The following POLE variants were observed in gnomAD, a reference collection of about 807,000 sequenced individuals.
POLE encodes DNA polymerase epsilon catalytic subunit A.
POLE carries 188 observed loss-of-function variants against 279.2 expected under a neutral mutation model. That is an observed-to-expected ratio of 0.67 (90% CI 0.60 to 0.76). The LOEUF is 0.76. Among genes scored for constraint, POLE ranks in the 30% least tolerant of loss-of-function variants. POLE has a pLI of 0.00. For synonymous variants in POLE, 1,214 were observed against 1,172.5 expected (o/e 1.04, Z -0.72); for missense variants, 2,703 against 3,016.7 (o/e 0.90, Z 2.44).
chr12:132,649,867 T>C lies in POLE; in HGVS notation c.3605A>G (p.Glu1202Gly), dbSNP rs778446376. 4 of 1,613,922 alleles carry C rather than the reference T, an allele frequency of 2.5e-6. No homozygotes were observed. In the African/African-American group the frequency reaches 4.0e-5, roughly 16 times the overall value. Residue 1202 changes from glutamate to glycine, a missense_variant, in exon 30 of 49, where the codon GAA becomes GGA. This residue lies in a region of POLE where 1,551 missense variants were observed against 1,686.1 expected (regional missense o/e 0.92). Transcript: ENST00000320574. ...AGGAGCACTTGGCCTCGGACTGTCT[T>C]CTGAGGCCTCGGCCATCGTGACCTG... ...RRQVTMAEAS[E>G]DSPRPSAPDM...
intron 46 of POLE, 27 bp from the exon 47 acceptor site, chr12:132,625,797 C>T: frequency 3.1e-6 from 5 of 1,602,786 alleles, no homozygotes; most frequent in Non-Finnish European, 4.2e-6. Flanking sequence ...TGCGAGAGGT[C>T]ACCAGCCCAG....
chr12:132,641,737 T>C lies in POLE; in HGVS notation c.5288A>G (p.Gln1763Arg), dbSNP rs1565935906. 2.5e-6 allele frequency: 4 copies of C among 1,612,906 alleles called. No homozygotes were observed. The highest frequency in any genetic ancestry group is 3.4e-6 in the Non-Finnish European group (4 of 1,179,992). The stretch of plus-strand genomic sequence containing the variant: ...CGTGATCATGTCCTCCAGGGAGGCC[T>C]GCTGGATCACGTCGAAGCTGATCCC... Reference protein sequence around the residue: ...SMGISFDVIQQASLEDMITGG... With the variant: ...SMGISFDVIQRASLEDMITGG... Residue 1763 changes from glutamine (Q) to arginine (R), a missense_variant, in exon 39 of 49, where the codon CAG (glutamine) becomes CGG (arginine). Physicochemically the swap from Gln to Arg is conservative, Grantham distance 43 (BLOSUM62 1). Around this residue, in one of 5 missense-constraint regions of POLE, gnomAD observed 1,551 missense variants for 1,686.1 expected, o/e 0.92. Transcript: ENST00000320574.
Position 132,626,209 on chromosome 12 carries a change from G to A in POLE, c.6439C>T (p.Pro2147Ser), listed in dbSNP as rs776658476. The A allele has an allele frequency of 1.9e-6, 3 of 1,613,854 alleles. No homozygotes were observed. Among genetic ancestry groups the A allele is most frequent in the East Asian group, 4.5e-5 (2 of 44,882 alleles). The change falls in exon 46 of 49, where the codon CCC (proline) becomes TCC (serine). Residue 2147 changes from proline to serine, a missense_variant. Around this residue, in one of 5 missense-constraint regions of POLE, gnomAD observed 1,551 missense variants for 1,686.1 expected, o/e 0.92. Coordinates refer to ENST00000320574, the MANE Select transcript of POLE (RefSeq NM_006231.4). Reference sequence around the variant, plus strand: ...TCAGGAAGCACGTAGGAGCGGCAGGGGTCTCGGAACTGGGCCTCCTCGGAG... The same window carrying A: ...TCAGGAAGCACGTAGGAGCGGCAGGAGTCTCGGAACTGGGCCTCCTCGGAG... ...EFSEEAQFRD[P>S]CRSYVLPEVI...
intron 6 of POLE, 22 bp downstream of exon 6, chr12:132,679,475 T>G (rs780379303): frequency 6.3e-6 from 10 of 1,591,262 alleles, no homozygotes. Context: ...GCTGATGCTT[T>G]GCTCACAAGA....
intron 16 of POLE, among the ~76,000 whole-genome samples, chr12:132,671,178 G>C (rs190584658): frequency 6.9e-6 from 1 of 145,958 alleles, no homozygotes; most frequent in Non-Finnish European, 1.5e-5. Flanking sequence ...CAGGAGAATC[G>C]CTTGAACCCA....
rs2043015218 is a variant in POLE, at chr12:132,675,136, G to A, written c.1226+262C>T. Among the ~76,000 whole-genome samples the A allele has an allele frequency of 6.6e-6, 1 of 152,202 alleles. No homozygotes were observed. Among genetic ancestry groups the A allele is most frequent in the Non-Finnish European group, 1.5e-5 (1 of 68,044 alleles). On this transcript the variant is annotated intron_variant, in intron 12 of 48. Coordinates refer to ENST00000320574, the MANE Select transcript of POLE (RefSeq NM_006231.4). The surrounding 1 kb of genome is among the most constrained non-coding windows in gnomAD (Gnocchi z 4.3). ...GTCCTAGGTCTGGGACCTGTCAGCT[G>A]AGTGCGTCTTTCCAGCGGCTTCCCC... is the stretch of plus-strand genomic sequence containing the variant.
In POLE at chr12:132,667,598, G is replaced by A. The variant is rs768004570; in HGVS notation, c.2224C>T (p.Arg742Cys). The A allele has an allele frequency of 2.5e-6, 4 of 1,614,068 alleles. No homozygotes were observed. The highest frequency in any genetic ancestry group is 1.7e-5 in the Admixed American group (1 of 60,022). ...KKIHITKVEE[R>C]LTTICQRENS... is the part of the protein sequence containing the mutation. ...TCCCGCTGGCAGATGGTGGTGAGAC[G>A]CTCTTCCACCTTGGTGATGTGGATC... The change falls in exon 20 of 49, where the codon CGT becomes TGT. Residue 742 changes from arginine to cysteine, a missense_variant. By Grantham distance (180) the Arg-to-Cys change is radical. Around this residue, in one of 5 missense-constraint regions of POLE, gnomAD observed 1,011 missense variants for 1,111.7 expected, o/e 0.91. Coordinates refer to ENST00000320574, the MANE Select transcript of POLE (RefSeq NM_006231.4).
Position 132,639,370 on chromosome 12 carries a change from T to A in POLE, c.5379-72A>T, listed in dbSNP as rs2138512376. 7.0e-7 allele frequency: 1 copy of A among 1,436,746 alleles called. No homozygotes were observed. The highest frequency in any genetic ancestry group is 9.6e-7 in the Non-Finnish European group (1 of 1,039,724). 89.0% of individuals were successfully genotyped at this position (1,436,746 alleles called of 1,614,324 possible). On this transcript the variant is annotated intron_variant, in intron 39 of 48. Coordinates refer to ENST00000320574, the MANE Select transcript of POLE (RefSeq NM_006231.4). This position sits in a 1 kb window ranked among gnomAD's most constrained non-coding sequence, Gnocchi z 4.7. Reference sequence around the variant, plus strand: ...CTGCTGCCACGCGGGACGCTCCAACTGAAATGGGCACAGGTTTTCCCTACA... The same window carrying A: ...CTGCTGCCACGCGGGACGCTCCAACAGAAATGGGCACAGGTTTTCCCTACA...
At chr12:132,663,870 G>T in intron 23 of POLE, 134 bp downstream of exon 23, 1 of 839,416 alleles carries the variant, frequency 1.2e-6, no homozygotes, top group South Asian at 1.7e-5. Context: ...ATGGTCTTCA[G>T]GCTATAGAAA....
intron 39 of POLE, among the ~76,000 whole-genome samples, chr12:132,640,502 G>C (rs2042120014): frequency 6.6e-6 from 1 of 152,268 alleles, no homozygotes; most frequent in Admixed American, 6.5e-5. Context: ...GGGGGGCCCT[G>C]GTCACAGGCC....
At chr12:132,649,539 C>CAGTGT in intron 30 of POLE, 24 bp from the exon 31 acceptor site, 1 of 1,609,244 alleles carries the variant, frequency 6.2e-7, no homozygotes, top group Non-Finnish European at 8.5e-7. Context: ...TGAGCACAGC[C>CAGTGT]AGTGTGCAAG....
intron 1 of POLE, among the ~76,000 whole-genome samples, chr12:132,685,759 G>A (rs2043245140): frequency 6.6e-6 from 1 of 152,210 alleles, no homozygotes; most frequent in Non-Finnish European, 1.5e-5. Flanking sequence ...GCCTGATATG[G>A]ACAGACAGCG....
intron 9 of POLE, 165 bp downstream of exon 9, chr12:132,676,381 A>C: frequency 1.4e-6 from 1 of 709,038 alleles, no homozygotes; most frequent in South Asian, 1.6e-5. Context: ...CCCACTCGAA[A>C]GGGGAGGGTA....
At position 132,624,233 on chromosome 12, in the gene POLE, G is replaced by A. The variant is rs2138420379; in HGVS notation, c.*464C>T. 4.1e-6 allele frequency: 1 copy of A among 243,352 alleles called. No homozygotes were observed. Among genetic ancestry groups the A allele is most frequent in the East Asian group, 6.0e-5 (1 of 16,570 alleles). 15.1% of individuals were successfully genotyped at this position (243,352 alleles called of 1,614,324 possible). The stretch of plus-strand genomic sequence containing the variant: ...CCCATTTCTCCATGCAAACAGGTGA[G>A]ACTCCAGCCCCACCAGGGCCTTGGG... On this transcript the variant is annotated 3_prime_UTR_variant, in exon 49 of 49. Transcript: ENST00000320574.
In POLE at chr12:132,664,023, A is replaced by G. The variant is rs1385034253; in HGVS notation, c.2687T>C (p.Met896Thr). ...ACTCACCTTGACCATGATGTTCAAC[A>G]TGGCGCCTGGGTAGGAGATGGTCAC... is the stretch of plus-strand genomic sequence containing the variant. ...PKVTISYPGA[M>T]LNIMVKEGFT... The change falls in exon 23 of 49, where the codon ATG becomes ACG. Residue 896 changes from methionine (M) to threonine (T), a missense_variant. Transcript: ENST00000320574. This position sits in a 1 kb window ranked among gnomAD's most constrained non-coding sequence, Gnocchi z 5.3. 1 of 1,614,162 alleles carries G rather than the reference A, an allele frequency of 6.2e-7. No individual in the cohort carries two copies. Among genetic ancestry groups the G allele is most frequent in the Admixed American group, 1.7e-5 (1 of 60,034 alleles).
intron 32 of POLE, among the ~76,000 whole-genome samples, chr12:132,647,478 G>A (rs899447501): frequency 3.3e-5 from 5 of 150,294 alleles, no homozygotes; most frequent in African/African-American, 9.8e-5. Context: ...TATCCCTCTC[G>A]TATCTTGCTT....
At chr12:132,654,891 C>T (rs961814338) in intron 29 of POLE, among the ~76,000 whole-genome samples, 2 of 152,170 alleles carry the variant, frequency 1.3e-5, no homozygotes, top group African/African-American at 4.8e-5. Context: ...AATTTTGTAA[C>T]CTCTTTCTTT....
chr12:132,680,963 CCT>C (rs2043153281), intron 2 of POLE, 173 bp downstream of exon 2: 3 of 717,650 alleles, frequency 4.2e-6, no homozygotes, highest in Non-Finnish European at 6.8e-6. Context: ...CTCACAGTGG[CCT>C]CTCTGTGGCC....
At position 132,677,581 on chromosome 12, in the gene POLE, G is replaced by A. The variant is rs567612169; in HGVS notation, c.717C>T (p.His239=). Residue 239 remains histidine (H), a synonymous_variant, in exon 7 of 49, where the codon CAC becomes CAT. Coordinates refer to ENST00000320574, the MANE Select transcript of POLE (RefSeq NM_006231.4). ...GACCCAACCCTGCCCCACTCACCAC[G>A]TGGATCTTCAGGTCAATGGAGAGGC... The part of the protein sequence containing the change: ...HIRLSIDLKI[H]VAHWYNVRYR... The A allele has an allele frequency of 6.2e-6, 10 of 1,614,184 alleles. No homozygotes were observed. Among genetic ancestry groups the A allele is most frequent in the African/African-American group, 1.3e-5 (1 of 75,058 alleles).
Sources: gnomAD v4.1 joint callset for allele counts (sites outside exome capture counted in the v4.1 genomes callset) on GRCh38, gnomAD v4.1.1 for gene constraint, gnomAD v4.1.1 regional missense constraint, Gnocchi (gnomAD v3.1) non-coding constraint, MANE v1.5 for transcripts, NCBI Gene and HGNC (gene_info 2026-07-23, HGNC 2026-07-21) for gene names.